The following NID1 variants were observed in gnomAD, a reference collection of about 807,000 sequenced individuals.
NID1 encodes the protein nidogen-1.
NID1 carries 76 observed loss-of-function variants against 130.6 expected under a neutral mutation model. The ratio of observed to expected loss-of-function variants is 0.58; its 90% CI spans 0.48 to 0.70. The LOEUF is 0.70. Ranked by LOEUF, NID1 falls within the 30% of genes least tolerant of loss-of-function variation. The probability of loss-of-function intolerance (pLI) is 0.00; values close to 1 mark genes in which losing one functional copy is unlikely to be tolerated. For synonymous variants in NID1, 665 were observed against 675.1 expected, an observed-to-expected ratio of 0.98 and a Z score of 0.23; for missense variants, 1,517 against 1,664.8, an observed-to-expected ratio of 0.91 and a Z score of 1.54.
intron 1 of NID1, among the ~76,000 whole-genome samples, chr1:236,053,055 G>A (rs1309394370): frequency 6.6e-6 from 1 of 152,194 alleles, no homozygotes; most frequent in South Asian, 2.1e-4. Flanking sequence ...TGAACTTCGT[G>A]GGTCAGAAGT....
intron 9 of NID1, among the ~76,000 whole-genome samples, chr1:236,021,641 G>A (rs1658769060): frequency 6.6e-6 from 1 of 152,112 alleles, no homozygotes; most frequent in Non-Finnish European, 1.5e-5. Flanking sequence ...TGTCAAGCAG[G>A]GGTAGAGGGA....
At chr1:236,015,881 T>C (rs549705566) in intron 10 of NID1, among the ~76,000 whole-genome samples, 1 of 151,972 alleles carries the variant, frequency 6.6e-6, no homozygotes, top group Non-Finnish European at 1.5e-5. Flanking sequence ...CCAGCACCTG[T>C]CTTGCATCCC....
At position 236,045,546 on chromosome 1, in the gene NID1, G is replaced by A. The variant is rs368863123; in HGVS notation, c.663C>T (p.Phe221=). ...ATAAGAATCCCACTGAACCTTGACT[G>A]AATGCAACCACGGCAGGAACTTGGT... ...ENNQVPAVVA[F]SQGSVGFLWK... is the part of the protein sequence containing the mutation. The change falls in exon 3 of 20, where the codon TTC becomes TTT. Residue 221 remains phenylalanine (F), a synonymous_variant. Transcript: ENST00000264187. 6.2e-7 allele frequency: 1 copy of A among 1,614,156 alleles called. No individual in the cohort carries two copies. Among genetic ancestry groups the A allele is most frequent in the Non-Finnish European group, 8.5e-7 (1 of 1,180,030 alleles).
At chr1:236,028,887 A>G (rs1193162156) in intron 7 of NID1, among the ~76,000 whole-genome samples, 1 of 152,216 alleles carries the variant, frequency 6.6e-6, no homozygotes, top group Non-Finnish European at 1.5e-5. Flanking sequence ...AATAGTACAT[A>G]CAGATGTGGC....
chr1:236,034,422 C>CAAAAAAAAAAAAAAAAA (rs144657585), intron 5 of NID1, among the ~76,000 whole-genome samples: 2 of 92,626 alleles, frequency 2.2e-5, no homozygotes, highest in African/African-American at 3.9e-5. Context: ...AACTCCATCT[C>CAAAAAAAAAAAAAAAAA]AAAAAAAAAA....
chr1:236,059,661 AT>A (rs1393515652), intron 1 of NID1, among the ~76,000 whole-genome samples: 1 of 152,218 alleles, frequency 6.6e-6, no homozygotes, highest in East Asian at 1.9e-4. Flanking sequence ...AAACAAAAGG[AT>A]TAGTAAATAA....
At chr1:236,055,941 C>T (rs1659888463) in intron 1 of NID1, among the ~76,000 whole-genome samples, 1 of 151,998 alleles carries the variant, frequency 6.6e-6, no homozygotes. Context: ...TTACAGATAG[C>T]CGTGATAGAT....
chr1:236,024,555 G>T (rs1486710692), intron 8 of NID1, among the ~76,000 whole-genome samples: 2 of 152,226 alleles, frequency 1.3e-5, no homozygotes, highest in Non-Finnish European at 2.9e-5. Context: ...CACCAAGAAT[G>T]CACTGACTCC....
intron 12 of NID1, among the ~76,000 whole-genome samples, chr1:236,001,190 C>A (rs181090434): frequency 7.2e-4 from 109 of 151,486 alleles, no homozygotes; most frequent in African/African-American, 2.5e-3. Flanking sequence ...ACCGCAACCT[C>A]TGCCTCCCGG....
chr1:236,058,328 A>G (rs1659948198), intron 1 of NID1, among the ~76,000 whole-genome samples: 1 of 152,230 alleles, frequency 6.6e-6, no homozygotes, highest in Non-Finnish European at 1.5e-5. Context: ...GCCCCTTTAC[A>G]GAACCATGTC....
chr1:236,000,211 C>G (rs1658039824), intron 12 of NID1, among the ~76,000 whole-genome samples: 1 of 152,070 alleles, frequency 6.6e-6, no homozygotes, highest in Admixed American at 6.6e-5. Flanking sequence ...GAGACTCTAT[C>G]TCAATTAAAA....
At chr1:236,060,957 G>A (rs1009318458) in intron 1 of NID1, among the ~76,000 whole-genome samples, 1 of 152,128 alleles carries the variant, frequency 6.6e-6, no homozygotes, top group African/African-American at 2.4e-5. Flanking sequence ...TTGGAGCCTA[G>A]TACTGTATTA....
At chr1:235,989,069 CTTTT>C (rs768952072) in intron 14 of NID1, among the ~76,000 whole-genome samples, 2 of 115,802 alleles carry the variant, frequency 1.7e-5, no homozygotes, top group Non-Finnish European at 1.7e-5. Context: ...AAATTATCTG[CTTTT>C]TTTTTTTTTT....
chr1:236,039,989 C>T (rs1659401396), intron 4 of NID1, among the ~76,000 whole-genome samples: 1 of 152,134 alleles, frequency 6.6e-6, no homozygotes, highest in Non-Finnish European at 1.5e-5. Context: ...GGTAGAGGGA[C>T]AGGAAAACAT....
intron 5 of NID1, among the ~76,000 whole-genome samples, chr1:236,034,821 G>C (rs1012604884): frequency 6.6e-6 from 1 of 151,936 alleles, no homozygotes; most frequent in Non-Finnish European, 1.5e-5. Context: ...TGAAGGAAGA[G>C]GGAAAACAAA....
At chr1:236,013,136 A>G (rs1658481565) in intron 11 of NID1, among the ~76,000 whole-genome samples, 1 of 152,202 alleles carries the variant, frequency 6.6e-6, no homozygotes, top group Non-Finnish European at 1.5e-5. Context: ...AAAGACAGAA[A>G]ATATCCCTGG....
chr1:235,978,016 GC>G (rs1657322065), intron 19 of NID1, 28 bp from the exon 20 acceptor site: 1 of 1,611,826 alleles, frequency 6.2e-7, no homozygotes, highest in African/African-American at 1.3e-5. Context: ...CAGTTCAATA[GC>G]CCTCTCTCTG....
chr1:236,021,607 G>A (rs931705643), intron 9 of NID1, among the ~76,000 whole-genome samples: 2 of 152,106 alleles, frequency 1.3e-5, no homozygotes, highest in Non-Finnish European at 2.9e-5. Context: ...TGAGACTGCT[G>A]GGCTTGCCAG....
chr1:236,060,098 CAAA>C (rs773686621), intron 1 of NID1, among the ~76,000 whole-genome samples: 3 of 50,970 alleles, frequency 5.9e-5, no homozygotes, highest in Admixed American at 1.8e-4. Flanking sequence ...GACTCAGTCT[CAAA>C]AAAAAAAAAA....
Sources: allele counts gnomAD v4.1 joint callset (sites outside exome capture counted in the v4.1 genomes callset), GRCh38; gene constraint gnomAD v4.1.1; transcripts MANE v1.5; gene names NCBI Gene and HGNC (gene_info 2026-07-23, HGNC 2026-07-21).